The following BLTP2 variants were observed in gnomAD, a reference collection of about 807,000 sequenced individuals.
BLTP2 encodes bridge-like lipid transfer protein family member 2.
the BLTP2 span, chr17:28,623,630 T>C: frequency 1.4e-6 from 1 of 739,350 alleles, no homozygotes; most frequent in Non-Finnish European, 2.3e-6. Flanking sequence ...ATTGCCCACA[T>C]TCAAGGTGTT....
the BLTP2 span, chr17:28,615,783 C>T: frequency 2.5e-6 from 4 of 1,614,060 alleles, no homozygotes; most frequent in Non-Finnish European, 3.4e-6. Context: ...CCCCAGTCCA[C>T]ACTGTTCTTC....
the BLTP2 span, chr17:28,641,795 A>C: frequency 1.9e-5 from 21 of 1,088,564 alleles, 1 homozygote; most frequent in South Asian, 2.7e-4. Flanking sequence ...CTAGTGAATC[A>C]CATCTAAATA....
the BLTP2 span, chr17:28,621,530 C>G: frequency 6.5e-7 from 1 of 1,540,266 alleles, no homozygotes; most frequent in Non-Finnish European, 9.0e-7. Context: ...ACTTTAGCTC[C>G]TGGGAAAAGA....
At chr17:28,634,060 G>A in the BLTP2 span, 2 of 1,614,132 alleles carry the variant, frequency 1.2e-6, no homozygotes, top group Non-Finnish European at 1.7e-6. Flanking sequence ...ATCTCAAACA[G>A]GTACCGTGGA....
At chr17:28,644,297 G>C in the BLTP2 span, 1 of 1,155,598 alleles carries the variant, frequency 8.7e-7, no homozygotes, top group Non-Finnish European at 1.2e-6. Context: ...AACTGGATCT[G>C]AGCAACTCTC....
the BLTP2 span, chr17:28,639,367 C>T: frequency 2.5e-6 from 4 of 1,614,092 alleles, no homozygotes; most frequent in Admixed American, 1.7e-5. Context: ...GTTTCCAGTG[C>T]TAGCAGGTGC....
At chr17:28,615,427 A>T in the BLTP2 span, among the ~76,000 whole-genome samples, 1 of 152,214 alleles carries the variant, frequency 6.6e-6, no homozygotes, top group African/African-American at 2.4e-5. Flanking sequence ...TCTAAACTTT[A>T]GGTTGTGTTA....
the BLTP2 span, chr17:28,620,471 G>C: frequency 8.7e-6 from 14 of 1,610,274 alleles, no homozygotes; most frequent in Admixed American, 1.3e-4. Flanking sequence ...GGGTGTTCCT[G>C]TGAGGCTAAC....
the BLTP2 span, chr17:28,624,443 T>C: frequency 2.6e-6 from 4 of 1,538,566 alleles, no homozygotes; most frequent in Middle Eastern, 1.7e-4. Flanking sequence ...GGGAAAGACT[T>C]TTCCCTTTCC....
chr17:28,619,528 G>C, the BLTP2 span: 1 of 1,154,448 alleles, frequency 8.7e-7, no homozygotes, highest in South Asian at 1.5e-5. Flanking sequence ...AGAGATGTCT[G>C]AACCTACTCC....
At chr17:28,634,668 C>T in the BLTP2 span, 1 of 1,614,178 alleles carries the variant, frequency 6.2e-7, no homozygotes, top group Non-Finnish European at 8.5e-7. Flanking sequence ...CCAGAGCTAC[C>T]AGTTCTAGCC....
At chr17:28,618,746 G>A in the BLTP2 span, 4 of 1,517,744 alleles carry the variant, frequency 2.6e-6, no homozygotes, top group Admixed American at 3.7e-5. Context: ...CTAGGTCAAT[G>A]TCTCTCAATA....
At chr17:28,643,976 C>G in the BLTP2 span, 2 of 1,508,342 alleles carry the variant, frequency 1.3e-6, no homozygotes, top group African/African-American at 1.4e-5. Context: ...ACCAGGATTT[C>G]TATTTTTAAA....
the BLTP2 span, chr17:28,633,566 G>T: frequency 6.2e-7 from 1 of 1,614,054 alleles, no homozygotes; most frequent in Non-Finnish European, 8.5e-7. Context: ...GCCAGCTGGT[G>T]CAGGTTCGCC....
At chr17:28,628,759 C>T in the BLTP2 span, among the ~76,000 whole-genome samples, 4 of 152,044 alleles carry the variant, frequency 2.6e-5, no homozygotes, top group African/African-American at 9.7e-5. Flanking sequence ...CTGGTGAAAC[C>T]CCATCTCTAC....
At chr17:28,635,798 G>C in the BLTP2 span, 1 of 571,872 alleles carries the variant, frequency 1.7e-6, no homozygotes, top group Non-Finnish European at 3.0e-6. Context: ...ACAGTTGATA[G>C]TGTCTGACAT....
the BLTP2 span, chr17:28,620,528 T>A: frequency 1.2e-6 from 2 of 1,614,180 alleles, no homozygotes; most frequent in Non-Finnish European, 1.7e-6. Context: ...AGGTTCTACA[T>A]GGAGCAGCAG....
chr17:28,624,318 A>G, the BLTP2 span: 1 of 1,614,120 alleles, frequency 6.2e-7, no homozygotes, highest in Non-Finnish European at 8.5e-7. Flanking sequence ...CTGGTCACTC[A>G]TGCCTGATTC....
chr17:28,642,117 G>A, the BLTP2 span: 5 of 1,603,102 alleles, frequency 3.1e-6, no homozygotes, highest in East Asian at 2.2e-5. Flanking sequence ...ATGTAAGAAA[G>A]TTTGGAAGTT....
Sources: gnomAD v4.1 joint callset for allele counts (sites outside exome capture counted in the v4.1 genomes callset) on GRCh38, gnomAD v4.1.1 for gene constraint, MANE v1.5 for transcripts, NCBI Gene and HGNC (gene_info 2026-07-23, HGNC 2026-07-21) for gene names.